A2ML1: variants seen among roughly 807,000 people sequenced by gnomAD.
A2ML1 encodes the protein alpha-2-macroglobulin like 1.
A2ML1 carries 161 observed loss-of-function variants against 181.9 expected under a neutral mutation model. The ratio of observed to expected loss-of-function variants is 0.89; its 90% CI spans 0.78 to 1.01. The LOEUF (loss-of-function observed/expected upper bound fraction) is 1.01, where lower values mean the gene tolerates loss of function less well. Ranked by LOEUF, A2ML1 falls within the 50% of genes least tolerant of loss-of-function variation. A2ML1 has a pLI of 0.00. For synonymous variants in A2ML1, 663 were observed against 666.8 expected (o/e 0.99, Z 0.09); for missense variants, 1,670 against 1,768.1 (o/e 0.94, Z 1.00).
In A2ML1 at chr12:8,868,289, G is replaced by A. The variant is rs762194080; in HGVS notation, c.3993G>A (p.Val1331=). The change falls in exon 31 of 36, where the codon GTG becomes GTA. Residue 1331 remains valine, a synonymous_variant. Coordinates refer to ENST00000299698, the MANE Select transcript of A2ML1 (RefSeq NM_144670.6). The part of the protein sequence containing the change: ...PTNMKTFSLS[V]EIGKARCEQP... Reference sequence around the variant, plus strand: ...ATATGAAGACCTTTAGTCTTAGTGTGGAAATAGGAAAAGCTAGATGTGAGC... The same window carrying A: ...ATATGAAGACCTTTAGTCTTAGTGTAGAAATAGGAAAAGCTAGATGTGAGC... The A allele has an allele frequency of 3.1e-5, 50 of 1,613,832 alleles. No homozygotes were observed. The highest frequency in any genetic ancestry group is 4.0e-5 in the Non-Finnish European group (47 of 1,180,006).
At chr12:8,880,508 A>G (rs1944860716), downstream of A2ML1, 1 of 152,234 alleles carries the variant, frequency 6.6e-6, no homozygotes, top group Admixed American at 6.5e-5. Flanking sequence ...AGATTGGATA[A>G]TGACTTGCTT....
At chr12:8,827,494 A>C (rs34823689) in intron 3 of A2ML1, among the ~76,000 whole-genome samples, 14,573 of 151,876 alleles carry the variant, frequency 0.096, 803 homozygotes, top group East Asian at 0.21. Flanking sequence ...TAAGATTCTG[A>C]ATTCTTTCTC....
chr12:8,871,972 G>A (rs996743237), intron 33 of A2ML1, among the ~76,000 whole-genome samples: 4 of 152,038 alleles, frequency 2.6e-5, no homozygotes, highest in African/African-American at 7.2e-5. Flanking sequence ...GAGGTCAGGA[G>A]ATCAAGACCA....
intron 28 of A2ML1, 152 bp downstream of exon 28, chr12:8,861,449 G>A: frequency 1.0e-6 from 1 of 963,414 alleles, no homozygotes; most frequent in Non-Finnish European, 1.5e-6. Flanking sequence ...GGAGGTTTGT[G>A]AGAAACACAC....
Position 8,857,600 on chromosome 12 carries a change from C to T in A2ML1, c.3107+12C>T. The stretch of plus-strand genomic sequence containing the variant: ...AATGGAAACACATGGTAATATCACC[C>T]AATTCCCAATGAGTTCTGTACTCCA... On this transcript the variant is annotated intron_variant, in intron 25 of 35. Transcript: ENST00000299698. 6.2e-7 allele frequency: 1 copy of T among 1,606,206 alleles called. No individual in the cohort carries two copies. The highest frequency in any genetic ancestry group is 1.3e-5 in the African/African-American group (1 of 74,922).
At chr12:8,884,598 G>A (rs143042123) in intron 7 of A2ML1, among the ~76,000 whole-genome samples, 1,588 of 152,072 alleles carry the variant, frequency 0.01, 31 homozygotes, top group African/African-American at 0.037. Flanking sequence ...GTGTAGTAGC[G>A]CGATCTTGGC....
intron 13 of A2ML1, among the ~76,000 whole-genome samples, chr12:8,845,849 CA>C (rs1231550807): frequency 3.6e-5 from 2 of 55,524 alleles, no homozygotes; most frequent in African/African-American, 8.1e-5. Flanking sequence ...GACTCCGTCT[CA>C]AAAAAAAAAA....
intron 9 of A2ML1, 90 bp downstream of exon 9, chr12:8,838,540 C>T (rs1010255195): frequency 2.6e-5 from 24 of 910,960 alleles, no homozygotes; most frequent in Non-Finnish European, 3.8e-5. Context: ...ACAAGACCTA[C>T]CCTCTTGAGT....
rs1043378879 is a variant in A2ML1 at position 8,850,150 on chromosome 12, A to G, written c.2120-10A>G. On this transcript the variant is annotated splice_polypyrimidine_tract_variant and intron_variant, in intron 17 of 35. Transcript: ENST00000299698. ...GTTTCCTAAAGTTTTCGTATTCTCA[A>G]TTTCATCAGCAGGCGGTGGTCATCC... 7 of 1,590,696 alleles carry G rather than the reference A, an allele frequency of 4.4e-6. No individual in the cohort carries two copies. The highest frequency in any genetic ancestry group is 6.0e-6 in the Non-Finnish European group (7 of 1,172,680).
rs768594767 is a variant in A2ML1 at position 8,847,601 on chromosome 12, T to G, written c.1736T>G (p.Leu579Arg). 2 of 1,613,598 alleles carry G rather than the reference T, an allele frequency of 1.2e-6. No individual in the cohort carries two copies. Among genetic ancestry groups the G allele is most frequent in the Non-Finnish European group, 1.7e-6 (2 of 1,179,790 alleles). The change falls in exon 15 of 36, where the codon CTG becomes CGG. Residue 579 changes from leucine (L) to arginine (R), a missense_variant. Leu to Arg is a moderately radical substitution (Grantham distance 102). Transcript: ENST00000299698. Reference protein sequence around the residue: ...SQQLPGAEVELQLQAAPGSLC... With the variant: ...SQQLPGAEVERQLQAAPGSLC... ...CAGCTTCCAGGAGCAGAAGTGGAGC[T>G]GCAGCTGCAGGCAGCTCCCGGATCC...
Position 8,863,722 on chromosome 12 carries a change from T to C in A2ML1, c.3503-72T>C, listed in dbSNP as rs73234371. On this transcript the variant is annotated intron_variant, in intron 28 of 35. Coordinates refer to ENST00000299698, the MANE Select transcript of A2ML1 (RefSeq NM_144670.6). ...TGGTACTTACTCTGCTCTAAGATGC[T>C]GCATTTACAAAGTGAATGTGGGAAA... The C allele has an allele frequency of 0.082, 119,392 of 1,463,954 alleles. 5,793 individuals are homozygous for C. Among genetic ancestry groups the C allele is most frequent in the African/African-American group, 0.15 (10,891 of 71,892 alleles). The allele number at this position is 1,463,954 out of a possible 1,614,324, so 90.7% of individuals were successfully genotyped here. A position where few individuals can be genotyped will look rare whatever the true frequency, so the allele number is the denominator to read the frequency against.
chr12:8,873,808 G>A (rs1321263564), intron 33 of A2ML1, among the ~76,000 whole-genome samples: 1 of 152,138 alleles, frequency 6.6e-6, no homozygotes, highest in Admixed American at 6.5e-5. Context: ...GCAAGCCTCT[G>A]TTTCTCTGGC....
intron 5 of A2ML1, 49 bp from the exon 6 acceptor site, chr12:8,835,458 A>G: frequency 6.2e-7 from 1 of 1,607,570 alleles, no homozygotes; most frequent in Non-Finnish European, 8.5e-7. Context: ...TGCAATGCAG[A>G]GTGGGAAGCA....
intron 5 of A2ML1, 35 bp from the exon 6 acceptor site, chr12:8,835,472 G>A (rs749430258): frequency 1.1e-5 from 18 of 1,610,610 alleles, no homozygotes; most frequent in African/African-American, 2.7e-5. Flanking sequence ...GGAAGCAAAC[G>A]GGCAGGCACA....
chr12:8,854,344 A>G (rs1204273402), intron 21 of A2ML1, 95 bp downstream of exon 21: 1 of 1,478,358 alleles, frequency 6.8e-7, no homozygotes, highest in Non-Finnish European at 9.0e-7. Flanking sequence ...ACCATACTCC[A>G]GTCCAACCAG....
At chr12:8,856,608 G>A (rs981552487) in intron 23 of A2ML1, among the ~76,000 whole-genome samples, 1 of 152,168 alleles carries the variant, frequency 6.6e-6, no homozygotes, top group Non-Finnish European at 1.5e-5. Flanking sequence ...ACATGCAGTG[G>A]TAGAGGAGCT....
chr12:8,824,740 AT>A (rs35419235), intron 3 of A2ML1, among the ~76,000 whole-genome samples: 27,651 of 146,488 alleles, frequency 0.19, 3,135 homozygotes, highest in East Asian at 0.43. Context: ...CTTTTACCTT[AT>A]TTTTTTCCAC....
chr12:8,846,275 C>A, intron 14 of A2ML1, 53 bp downstream of exon 14: 1 of 1,601,874 alleles, frequency 6.2e-7, no homozygotes, highest in South Asian at 1.1e-5. Context: ...AGAGAAAGAT[C>A]TTGTGTGTGC....
chr12:8,867,009 A>G (rs1944446627), intron 29 of A2ML1, among the ~76,000 whole-genome samples: 1 of 152,192 alleles, frequency 6.6e-6, no homozygotes, highest in South Asian at 2.1e-4. Flanking sequence ...GTGACAGTTT[A>G]TCTGTCTTAT....
Sources: allele counts gnomAD v4.1 joint callset (sites outside exome capture counted in the v4.1 genomes callset), GRCh38; gene constraint gnomAD v4.1.1; transcripts MANE v1.5; gene names NCBI Gene and HGNC (gene_info 2026-07-23, HGNC 2026-07-21).